The following NEK1 variants were observed in gnomAD, a reference collection of about 807,000 sequenced individuals.
NEK1 encodes the protein NIMA related kinase 1, also known as serine/threonine-protein kinase Nek1.
In NEK1, 137 loss-of-function variants were observed where a neutral mutation model predicts 182.1. The ratio of observed to expected loss-of-function variants is 0.75; its 90% confidence interval spans 0.65 to 0.87. The LOEUF is 0.87. Ranked by LOEUF, NEK1 falls within the 40% of genes least tolerant of loss-of-function variation. The pLI, the probability that NEK1 is intolerant of heterozygous loss-of-function variation, is 0.00. For synonymous variants in NEK1, 513 were observed against 492.2 expected, an observed-to-expected ratio of 1.04 and a Z score of -0.56; for missense variants, 1,391 against 1,494.4, an observed-to-expected ratio of 0.93 and a Z score of 1.14.
At chr4:169,576,845 T>C (rs1765757561) in intron 12 of NEK1, 83 bp downstream of exon 12, 3 of 1,273,110 alleles carry the variant, frequency 2.4e-6, no homozygotes, top group South Asian at 1.3e-5. Context: ...AATCCTATAA[T>C]ATCAAGGTAA....
chr4:169,508,787 T>C lies in NEK1; in HGVS notation c.1731A>G (p.Pro577=). Reference sequence around the variant, plus strand: ...AGCATACCTCTTCCTCTTTGTTTCTTGGCTTCCCTCCTCTTGAAGAGCTGG... The same window carrying C: ...AGCATACCTCTTCCTCTTTGTTTCTCGGCTTCCCTCCTCTTGAAGAGCTGG... The part of the protein sequence containing the change: ...GRPSSSRGGK[P]RNKEEEVYLA... Residue 577 remains proline (P), a synonymous_variant, in exon 20 of 36, where the codon CCA becomes CCG. Coordinates refer to ENST00000507142, the MANE Select transcript of NEK1 (RefSeq NM_001199397.3). 6.3e-7 allele frequency: 1 copy of C among 1,586,992 alleles called. No individual in the cohort carries two copies. Among genetic ancestry groups the C allele is most frequent in the Non-Finnish European group, 8.5e-7 (1 of 1,174,228 alleles).
In NEK1 at chr4:169,482,795, C is replaced by T. The variant is rs139568289; in HGVS notation, c.2008-3261G>A. 1.6e-3 allele frequency among the ~76,000 whole-genome samples: 242 copies of T among 152,152 alleles called. 1 individual carries two copies. The highest frequency in any genetic ancestry group is 5.3e-3 in the African/African-American group (221 of 41,506). Reference sequence around the variant, plus strand: ...GGGATTACAGGCACACACCACCACGCTCAGCTAATTTTTTGTATTTTTAGT... The same window carrying T: ...GGGATTACAGGCACACACCACCACGTTCAGCTAATTTTTTGTATTTTTAGT... On this transcript the variant is annotated intron_variant, in intron 23 of 35. Transcript: ENST00000507142.
chr4:169,401,448 G>T (rs1232657437), intron 33 of NEK1, among the ~76,000 whole-genome samples: 1 of 151,732 alleles, frequency 6.6e-6, no homozygotes, highest in African/African-American at 2.4e-5. Flanking sequence ...GACATAATAG[G>T]AAAGAAATAA....
intron 11 of NEK1, among the ~76,000 whole-genome samples, chr4:169,578,459 G>C (rs1174198559): frequency 6.6e-6 from 1 of 151,976 alleles, no homozygotes; most frequent in African/African-American, 2.4e-5. Context: ...TTTTTAGGAG[G>C]GGAAAGGAGA....
chr4:169,463,451 TG>T lies in NEK1; in HGVS notation c.2435-57del, dbSNP rs549050409. 2.0e-4 allele frequency: 258 copies of T among 1,303,960 alleles called. No individual in the cohort carries two copies. The African/African-American group carries it at 3.7e-3, about 18-fold the overall frequency. 80.8% of individuals were successfully genotyped at this position (1,303,960 alleles called of 1,614,324 possible). Reference sequence around the variant, plus strand: ...TCAATAACAGTATAATAATACTGCATGGTAAGGCAGATTTTGAGTCTTTTAT... The same window carrying T: ...TCAATAACAGTATAATAATACTGCATGTAAGGCAGATTTTGAGTCTTTTAT... On this transcript the variant is annotated intron_variant, in intron 26 of 35. Transcript: ENST00000507142.
At chr4:169,458,547 G>C (rs1743340353) in intron 27 of NEK1, among the ~76,000 whole-genome samples, 1 of 152,118 alleles carries the variant, frequency 6.6e-6, no homozygotes, top group Admixed American at 6.6e-5. Flanking sequence ...AAGCAACACG[G>C]AGAAACACCA....
At position 169,553,444 on chromosome 4, in the gene NEK1, G is replaced by T. The variant is rs564911942; in HGVS notation, c.1562+2276C>A. Among the ~76,000 whole-genome samples, 28 of 152,066 alleles carry T rather than the reference G, an allele frequency of 1.8e-4. 1 individual carries two copies. The highest frequency in any genetic ancestry group is 2.2e-4 in the Non-Finnish European group (15 of 68,034). On this transcript the variant is annotated intron_variant, in intron 18 of 35. Transcript: ENST00000507142. ...TAGGAGAAAACCCAAATGAACTTGG[G>T]TATGGTGATAACTTTTCAGTTATAA...
chr4:169,453,454 A>C (rs764251460), intron 27 of NEK1, among the ~76,000 whole-genome samples: 137 of 152,342 alleles, frequency 9.0e-4, no homozygotes, highest in Non-Finnish European at 1.4e-3. Context: ...TCTGGCCATA[A>C]ACTGGCCCCA....
At chr4:169,449,696 T>C (rs1422920765) in intron 27 of NEK1, among the ~76,000 whole-genome samples, 1 of 152,020 alleles carries the variant, frequency 6.6e-6, no homozygotes, top group Non-Finnish European at 1.5e-5. Context: ...AGACTAAAGG[T>C]AGATAAAACC....
chr4:169,522,590 C>G (rs895892341), intron 19 of NEK1, among the ~76,000 whole-genome samples: 1 of 152,212 alleles, frequency 6.6e-6, no homozygotes, highest in African/African-American at 2.4e-5. Context: ...TGGTCTGATT[C>G]ATTCTTCTGG....
chr4:169,449,426 T>C (rs1470183527), intron 27 of NEK1, among the ~76,000 whole-genome samples: 1 of 152,044 alleles, frequency 6.6e-6, no homozygotes, highest in Non-Finnish European at 1.5e-5. Context: ...ACACCTCATA[T>C]AGGTGGCTGC....
At chr4:169,564,112 AAAC>A (rs1763336681) in intron 12 of NEK1, among the ~76,000 whole-genome samples, 1 of 152,144 alleles carries the variant, frequency 6.6e-6, no homozygotes, top group South Asian at 2.1e-4. Flanking sequence ...TCAATTTTTC[AAAC>A]AATTCTAACT....
chr4:169,393,544 T>C lies in NEK1; in HGVS notation c.*966A>G, dbSNP rs1373136024. On this transcript the variant is annotated 3_prime_UTR_variant, in exon 36 of 36. Coordinates refer to ENST00000507142, the MANE Select transcript of NEK1 (RefSeq NM_001199397.3). ...CCAGGTTATACTTGGCATATTGTGA[T>C]TGAAGCTGTGTGATCAACATCTTAA... 1 of 152,214 alleles carries C rather than the reference T, an allele frequency of 6.6e-6. No individual in the cohort carries two copies. The highest frequency in any genetic ancestry group is 2.4e-5 in the African/African-American group (1 of 41,458). The allele number at this position is 152,214 out of a possible 1,614,324, so 9.4% of individuals were successfully genotyped here.
chr4:169,518,670 G>C (rs1396913394), intron 19 of NEK1, among the ~76,000 whole-genome samples: 1 of 98,248 alleles, frequency 1.0e-5, no homozygotes, highest in Non-Finnish European at 1.9e-5. Context: ...TCTACACACT[G>C]CTTTGAATGC....
intron 6 of NEK1, among the ~76,000 whole-genome samples, chr4:169,590,315 A>AATAG (rs781112451): frequency 1.5e-5 from 2 of 131,928 alleles, no homozygotes; most frequent in African/African-American, 7.1e-5. Context: ...TCTCAAAAAC[A>AATAG]ATAGATAGAC....
Position 169,487,355 on chromosome 4 carries a change from C to T in NEK1, c.2008-7821G>A, listed in dbSNP as rs563723239. Among the ~76,000 whole-genome samples the T allele has an allele frequency of 2.0e-5, 3 of 152,248 alleles. No individual in the cohort carries two copies. In the East Asian group the frequency reaches 5.8e-4, roughly 29 times the overall value. ...AAAGCCCCAATGTGTGTTGTTCCCA[C>T]CAATGTGTTCATGTATTCTCATCGT... On this transcript the variant is annotated intron_variant, in intron 23 of 35. Coordinates refer to ENST00000507142, the MANE Select transcript of NEK1 (RefSeq NM_001199397.3).
At chr4:169,605,222 C>A (rs1165049111) in intron 2 of NEK1, among the ~76,000 whole-genome samples, 1 of 152,152 alleles carries the variant, frequency 6.6e-6, no homozygotes, top group Non-Finnish European at 1.5e-5. Flanking sequence ...AGGGACCACA[C>A]TAATAAGACA....
chr4:169,561,279 T>C (rs1267990524), intron 16 of NEK1, among the ~76,000 whole-genome samples: 2 of 152,202 alleles, frequency 1.3e-5, no homozygotes, highest in Non-Finnish European at 2.9e-5. Context: ...ATTTTGAGTA[T>C]AGTCACATAA....
chr4:169,401,951 T>C (rs1731766332), intron 32 of NEK1, 91 bp from the exon 33 acceptor site: 1 of 1,080,366 alleles, frequency 9.3e-7, no homozygotes, highest in Non-Finnish European at 1.3e-6. Context: ...AAATTTTACT[T>C]CTACTCAATA....
Sources: allele counts gnomAD v4.1 joint callset (sites outside exome capture counted in the v4.1 genomes callset), GRCh38; gene constraint gnomAD v4.1.1; transcripts MANE v1.5; gene names NCBI Gene and HGNC (gene_info 2026-07-23, HGNC 2026-07-21).